SH3GL2: variants seen among roughly 807,000 people sequenced by gnomAD.
The protein encoded by SH3GL2 is endophilin-A1.
In SH3GL2, 24 loss-of-function variants were observed where a neutral mutation model predicts 46.0. The observed-to-expected ratio is 0.52, with a 90% CI of 0.38 to 0.73. The LOEUF (loss-of-function observed/expected upper bound fraction) is 0.73. Among genes scored for constraint, SH3GL2 ranks in the 30% least tolerant of loss-of-function variants. The pLI is 0.00. For synonymous variants in SH3GL2, 196 were observed against 147.1 expected (o/e 1.33, Z -2.40); for missense variants, 413 against 424.2 (o/e 0.97, Z 0.23).
At chr9:17,753,193 G>C (rs186267533) in intron 2 of SH3GL2, among the ~76,000 whole-genome samples, 6 of 152,224 alleles carry the variant, frequency 3.9e-5, no homozygotes, top group African/African-American at 1.2e-4. Flanking sequence ...CTTTATAATA[G>C]AACAATTTAT....
At chr9:17,789,693 A>G (rs553805596) in intron 6 of SH3GL2, 143 bp downstream of exon 6, 2 of 1,407,292 alleles carry the variant, frequency 1.4e-6, no homozygotes, top group South Asian at 3.1e-5. Context: ...ATTTTAAATA[A>G]TTGTCAGTCA....
chr9:17,679,471 T>A (rs912704016), intron 1 of SH3GL2, among the ~76,000 whole-genome samples: 1 of 152,196 alleles, frequency 6.6e-6, no homozygotes, highest in African/African-American at 2.4e-5. Flanking sequence ...TTTTTGCACA[T>A]TGATTTTGTA....
chr9:17,627,417 C>T lies in SH3GL2; in HGVS notation c.45+48130C>T, dbSNP rs1222049090. ...TCTTCATTCCTGGCCCACCCGAGAG[C>T]TCTTCTGGAAGTAAAGGCCTGAAAC... On this transcript the variant is annotated intron_variant, in intron 1 of 8. Coordinates refer to ENST00000380607, the MANE Select transcript of SH3GL2 (RefSeq NM_003026.5). Among the ~76,000 whole-genome samples, 4 of 152,114 alleles carry T rather than the reference C, an allele frequency of 2.6e-5. No individual in the cohort carries two copies. In the South Asian group the frequency reaches 8.3e-4, roughly 32 times the overall value.
intron 1 of SH3GL2, among the ~76,000 whole-genome samples, chr9:17,742,311 A>C (rs1194681009): frequency 6.6e-6 from 1 of 152,146 alleles, no homozygotes; most frequent in Non-Finnish European, 1.5e-5. Flanking sequence ...AGGATGAGTC[A>C]TTATTGGAAA....
intron 1 of SH3GL2, among the ~76,000 whole-genome samples, chr9:17,713,665 T>C (rs1050998517): frequency 6.6e-6 from 1 of 151,650 alleles, no homozygotes; most frequent in African/African-American, 2.4e-5. Flanking sequence ...AGTGCATTAT[T>C]AACTTTATAA....
intron 1 of SH3GL2, among the ~76,000 whole-genome samples, chr9:17,737,417 G>T (rs998510274): frequency 6.6e-6 from 1 of 151,894 alleles, no homozygotes; most frequent in Non-Finnish European, 1.5e-5. Context: ...AAAATATGAG[G>T]ATGTAGTTCC....
intron 1 of SH3GL2, among the ~76,000 whole-genome samples, chr9:17,587,848 G>A (rs889272255): frequency 1.3e-5 from 2 of 151,544 alleles, no homozygotes; most frequent in Non-Finnish European, 2.9e-5. Context: ...TTGCACCACT[G>A]CACTCCAGCC....
Position 17,686,941 on chromosome 9 carries a change from A to T in SH3GL2, c.46-60125A>T, listed in dbSNP as rs571135941. Reference sequence around the variant, plus strand: ...GTACCCTAAAACTTAAAGTATAATTAAAAAAAAAAAGAATTGTGGGAAGAT... The same window carrying T: ...GTACCCTAAAACTTAAAGTATAATTTAAAAAAAAAAGAATTGTGGGAAGAT... On this transcript the variant is annotated intron_variant, in intron 1 of 8. Coordinates refer to ENST00000380607, the MANE Select transcript of SH3GL2 (RefSeq NM_003026.5). Among the ~76,000 whole-genome samples, 157 of 39,770 alleles carry T rather than the reference A, an allele frequency of 3.9e-3. 1 individual carries two copies. The highest frequency in any genetic ancestry group is 0.018 in the African/African-American group (145 of 8,080). The allele number at this position is 39,770 out of a possible 152,430, so 26.1% of individuals were successfully genotyped here.
At chr9:17,673,259 C>G (rs1820518601) in intron 1 of SH3GL2, among the ~76,000 whole-genome samples, 2 of 152,046 alleles carry the variant, frequency 1.3e-5, no homozygotes. Context: ...AGCAATCCTC[C>G]CACTTCAACC....
At chr9:17,628,016 G>A (rs1033268252) in intron 1 of SH3GL2, among the ~76,000 whole-genome samples, 1 of 152,142 alleles carries the variant, frequency 6.6e-6, no homozygotes, top group East Asian at 1.9e-4. Flanking sequence ...AGATTTAAGA[G>A]CTCTAAGTTC....
chr9:17,680,776 A>G (rs538345587), intron 1 of SH3GL2, among the ~76,000 whole-genome samples: 1 of 151,854 alleles, frequency 6.6e-6, no homozygotes, highest in South Asian at 2.1e-4. Context: ...TAGTGCTATA[A>G]ATTTCCCTGT....
At chr9:17,727,177 T>C (rs1822043900) in intron 1 of SH3GL2, among the ~76,000 whole-genome samples, 1 of 152,200 alleles carries the variant, frequency 6.6e-6, no homozygotes, top group African/African-American at 2.4e-5. Flanking sequence ...ATAAGTTTGA[T>C]GGGTAACAAG....
At chr9:17,582,878 C>A (rs914888736) in intron 1 of SH3GL2, among the ~76,000 whole-genome samples, 4 of 152,196 alleles carry the variant, frequency 2.6e-5, no homozygotes, top group African/African-American at 9.7e-5. Flanking sequence ...ACCTTGGTCT[C>A]TGCCTTCATG....
intron 1 of SH3GL2, among the ~76,000 whole-genome samples, chr9:17,588,812 G>A (rs2134543596): frequency 6.6e-6 from 1 of 152,300 alleles, no homozygotes; most frequent in African/African-American, 2.4e-5. Context: ...TGCTAAATTT[G>A]TGGTAATTTG....
chr9:17,672,707 G>T (rs1820504205), intron 1 of SH3GL2, among the ~76,000 whole-genome samples: 1 of 152,086 alleles, frequency 6.6e-6, no homozygotes, highest in African/African-American at 2.4e-5. Flanking sequence ...AACACACTCT[G>T]TATATTCATC....
At chr9:17,688,092 T>C (rs990494269) in intron 1 of SH3GL2, among the ~76,000 whole-genome samples, 2 of 152,134 alleles carry the variant, frequency 1.3e-5, no homozygotes, top group African/African-American at 2.4e-5. Context: ...TTCCAGTCTC[T>C]GTCTACTTAT....
chr9:17,714,292 C>G (rs1488371649), intron 1 of SH3GL2, among the ~76,000 whole-genome samples: 1 of 151,590 alleles, frequency 6.6e-6, no homozygotes, highest in Non-Finnish European at 1.5e-5. Context: ...ATCGTTGGGT[C>G]TTCATCTTTT....
chr9:17,634,529 T>C (rs888895434), intron 1 of SH3GL2, among the ~76,000 whole-genome samples: 2 of 152,192 alleles, frequency 1.3e-5, no homozygotes, highest in African/African-American at 4.8e-5. Flanking sequence ...ACCTCACTCA[T>C]TGTCAACCAC....
chr9:17,629,109 G>A (rs1012224724), intron 1 of SH3GL2, among the ~76,000 whole-genome samples: 2 of 152,102 alleles, frequency 1.3e-5, no homozygotes, highest in Non-Finnish European at 2.9e-5. Flanking sequence ...GGATTGCGTG[G>A]AGTTTGGTTG....
Sources: gnomAD v4.1 joint callset for allele counts (sites outside exome capture counted in the v4.1 genomes callset) on GRCh38, gnomAD v4.1.1 for gene constraint, MANE v1.5 for transcripts, NCBI Gene and HGNC (gene_info 2026-07-23, HGNC 2026-07-21) for gene names.